PAAF1: variants seen among roughly 807,000 people sequenced by gnomAD.
PAAF1 encodes proteasomal ATPase-associated factor 1.
A neutral mutation model predicts 52.8 loss-of-function variants in PAAF1; 46 were observed. That is an observed-to-expected ratio of 0.87 (90% CI 0.69 to 1.11). PAAF1 has a LOEUF of 1.11. Among genes scored for constraint, PAAF1 ranks in the 50% most tolerant of loss-of-function variants. PAAF1 has a pLI of 0.00. For synonymous variants in PAAF1, 178 were observed against 172.8 expected (o/e 1.03, Z -0.24); for missense variants, 424 against 477.4 (o/e 0.89, Z 1.04).
intron 7 of PAAF1, among the ~76,000 whole-genome samples, chr11:73,913,963 T>C (rs1329605133): frequency 2.0e-4 from 30 of 152,092 alleles, no homozygotes; most frequent in Admixed American, 1.6e-3. Flanking sequence ...GGTGGGAGGA[T>C]TGCTTGCACC....
Position 73,927,503 on chromosome 11 carries a change from T to C in PAAF1, c.*141T>C. The C allele has an allele frequency of 1.4e-6, 1 of 698,458 alleles. No homozygotes were observed. The highest frequency in any genetic ancestry group is 2.5e-6 in the Non-Finnish European group (1 of 404,538). 43.3% of individuals were successfully genotyped at this position (698,458 alleles called of 1,614,324 possible). On this transcript the variant is annotated 3_prime_UTR_variant, in exon 12 of 12. Transcript: ENST00000310571. ...GGAAATCACAGAAAGTCAGCTGTAC[T>C]GGCCGTGTGGAACTCTCATCCCAAG...
intron 4 of PAAF1, among the ~76,000 whole-genome samples, chr11:73,891,635 C>T (rs548212773): frequency 1.3e-5 from 2 of 151,732 alleles, no homozygotes; most frequent in East Asian, 1.9e-4. Flanking sequence ...ATTAGCTGAG[C>T]GTGGTGGCAC....
chr11:73,884,555 G>A (rs1418802965), intron 2 of PAAF1, among the ~76,000 whole-genome samples: 1 of 152,154 alleles, frequency 6.6e-6, no homozygotes, highest in East Asian at 1.9e-4. Context: ...TGAGTGATTG[G>A]TTGAAATGAT....
At chr11:73,924,591 A>G in intron 10 of PAAF1, 24 bp from the exon 11 acceptor site, 2 of 1,592,504 alleles carry the variant, frequency 1.3e-6, no homozygotes, top group Non-Finnish European at 1.7e-6. Flanking sequence ...TCTTAGTTAT[A>G]TGAATTTTCT....
intron 6 of PAAF1, among the ~76,000 whole-genome samples, chr11:73,908,958 T>C (rs1949852508): frequency 6.6e-6 from 1 of 152,044 alleles, no homozygotes; most frequent in Admixed American, 6.6e-5. Context: ...CTGGCTATTT[T>C]GTATTTTTAG....
intron 3 of PAAF1, among the ~76,000 whole-genome samples, chr11:73,888,009 A>G (rs571215371): frequency 6.6e-6 from 1 of 152,278 alleles, no homozygotes; most frequent in Non-Finnish European, 1.5e-5. Context: ...CGGCCTCCCA[A>G]AGTGCTGAGA....
intron 3 of PAAF1, among the ~76,000 whole-genome samples, chr11:73,890,137 T>G (rs954676562): frequency 1.3e-5 from 2 of 152,200 alleles, no homozygotes; most frequent in Admixed American, 6.5e-5. Context: ...AGGGGTCATT[T>G]GGTGAGTGCA....
At chr11:73,920,502 C>G (rs190343556) in intron 10 of PAAF1, among the ~76,000 whole-genome samples, 1 of 151,532 alleles carries the variant, frequency 6.6e-6, no homozygotes, top group Admixed American at 6.6e-5. Flanking sequence ...TGCATTTCAC[C>G]CTGGGTGACA....
rs1480818823 is a variant in PAAF1 at position 73,929,083 on chromosome 11, CT to C, written c.*1722del. 6.6e-6 allele frequency: 1 copy of C among 151,972 alleles called. No homozygotes were observed. The highest frequency in any genetic ancestry group is 1.5e-5 in the Non-Finnish European group (1 of 68,072). 9.4% of individuals were successfully genotyped at this position (151,972 alleles called of 1,614,324 possible). A position where few individuals can be genotyped will look rare whatever the true frequency, so the allele number is the denominator to read the frequency against. On this transcript the variant is annotated 3_prime_UTR_variant, in exon 12 of 12. Transcript: ENST00000310571. ...TTTTTTTTTTAAAGACAGGGTCTTG[CT>C]CTGTTGCCCAGGCTGGAATGCGTTG...
chr11:73,876,958 C>T (rs1948757248), upstream of PAAF1: 4 of 1,447,518 alleles, frequency 2.8e-6, no homozygotes, highest in East Asian at 2.7e-5. Flanking sequence ...CCTCGCCGCA[C>T]GCTTCTCGGG....
chr11:73,910,593 G>C (rs1949901111), intron 7 of PAAF1, among the ~76,000 whole-genome samples: 1 of 152,114 alleles, frequency 6.6e-6, no homozygotes, highest in Admixed American at 6.5e-5. Context: ...TTGCATCTCT[G>C]TTCCATAGGA....
intron 4 of PAAF1, among the ~76,000 whole-genome samples, chr11:73,895,277 G>A (rs1361693440): frequency 6.6e-6 from 1 of 152,200 alleles, no homozygotes; most frequent in Admixed American, 6.5e-5. Context: ...AATTGGAGGA[G>A]GAGGAGTTGT....
chr11:73,893,738 C>CAAAA (rs564348245), intron 4 of PAAF1, among the ~76,000 whole-genome samples: 140 of 71,250 alleles, frequency 2.0e-3, no homozygotes, highest in Non-Finnish European at 2.7e-3. Flanking sequence ...ACTCTGTCTC[C>CAAAA]AAAAAAAAAA....
intron 10 of PAAF1, among the ~76,000 whole-genome samples, chr11:73,923,392 C>T (rs962096148): frequency 7.9e-5 from 12 of 151,966 alleles, no homozygotes; most frequent in African/African-American, 2.7e-4. Context: ...TGCTGTCAAC[C>T]ATGTAAAATA....
At chr11:73,911,683 G>A (rs952979032) in intron 7 of PAAF1, among the ~76,000 whole-genome samples, 58 of 148,780 alleles carry the variant, frequency 3.9e-4, no homozygotes, top group Non-Finnish European at 7.7e-4. Context: ...GAGTGCAGTG[G>A]TGCGATCTCT....
chr11:73,896,275 GTTTCTTTT>G (rs770027256), intron 4 of PAAF1, among the ~76,000 whole-genome samples: 219 of 132,464 alleles, frequency 1.7e-3, no homozygotes, highest in Non-Finnish European at 2.5e-3. Flanking sequence ...TTTTTACGAT[GTTTCTTTT>G]TTTCTTTTTT....
intron 3 of PAAF1, chr11:73,889,270 A>G (rs998903533): frequency 2.3e-6 from 3 of 1,292,118 alleles, no homozygotes; most frequent in Non-Finnish European, 3.0e-6. Context: ...TTGAACATTC[A>G]TTTGTTTCCT....
chr11:73,879,229 T>A (rs952578886), intron 2 of PAAF1: 1 of 152,888 alleles, frequency 6.5e-6, no homozygotes, highest in Non-Finnish European at 1.5e-5. Context: ...ACTGTCACCT[T>A]AAGTTACTGG....
chr11:73,899,124 T>C, intron 4 of PAAF1, 22 bp from the exon 5 acceptor site: 1 of 1,570,548 alleles, frequency 6.4e-7, no homozygotes, highest in Non-Finnish European at 8.8e-7. Context: ...TCTAACACAT[T>C]GTTTGTTTTC....
Sources: allele counts gnomAD v4.1 joint callset (sites outside exome capture counted in the v4.1 genomes callset), GRCh38; gene constraint gnomAD v4.1.1; transcripts MANE v1.5; gene names NCBI Gene and HGNC (gene_info 2026-07-23, HGNC 2026-07-21).